The following CDK14 variants were observed in gnomAD, a reference collection of about 807,000 sequenced individuals.
CDK14 encodes the protein cyclin dependent kinase 14.
Under a neutral mutation model 60.7 loss-of-function variants are expected in CDK14, and 34 were observed. The observed-to-expected ratio is 0.56, with a 90% CI of 0.43 to 0.75. The LOEUF is 0.75. Ranked by LOEUF, CDK14 falls within the 30% of genes least tolerant of loss-of-function variation. The pLI is 0.00. For synonymous variants in CDK14, 197 were observed against 203.7 expected, an observed-to-expected ratio of 0.97 and a Z score of 0.28; for missense variants, 482 against 564.1, an observed-to-expected ratio of 0.85 and a Z score of 1.47.
chr7:91,181,686 A>G lies in CDK14; in HGVS notation c.*29-25479A>G, dbSNP rs146231621. 2.5e-4 allele frequency among the ~76,000 whole-genome samples: 38 copies of G among 152,288 alleles called. No individual in the cohort carries two copies. In the East Asian group the frequency reaches 6.4e-3, roughly 26 times the overall value. On this transcript the variant is annotated intron_variant, in intron 14 of 14. Transcript: ENST00000380050. The stretch of plus-strand genomic sequence containing the variant: ...TTTCAAAATAATGAATAGTTTCCTA[A>G]TATCCTCCAAAGGTGATGGATGTGT...
chr7:90,788,329 T>C (rs1408252027), intron 4 of CDK14, among the ~76,000 whole-genome samples: 2 of 152,156 alleles, frequency 1.3e-5, no homozygotes, highest in African/African-American at 2.4e-5. Context: ...CCTGCCAAAG[T>C]GCTTAGTCCT....
chr7:90,686,268 T>C (rs1479825921), intron 2 of CDK14, among the ~76,000 whole-genome samples: 1 of 152,222 alleles, frequency 6.6e-6, no homozygotes, highest in African/African-American at 2.4e-5. Flanking sequence ...TTCTGTGGTT[T>C]CCAAATATTG....
At chr7:91,044,633 G>A (rs1441960982) in intron 10 of CDK14, among the ~76,000 whole-genome samples, 1 of 152,130 alleles carries the variant, frequency 6.6e-6, no homozygotes, top group African/African-American at 2.4e-5. Context: ...CTGAGAGGAG[G>A]GGTCCGTTCA....
At chr7:90,677,145 A>G (rs931951214) in intron 2 of CDK14, among the ~76,000 whole-genome samples, 3 of 152,180 alleles carry the variant, frequency 2.0e-5, no homozygotes, top group Non-Finnish European at 4.4e-5. Flanking sequence ...ACTTCCCTGG[A>G]TCGACTTGTC....
intron 10 of CDK14, among the ~76,000 whole-genome samples, chr7:91,002,120 C>T (rs1370083823): frequency 6.6e-6 from 1 of 151,998 alleles, no homozygotes; most frequent in Non-Finnish European, 1.5e-5. Flanking sequence ...TCATAGCCTG[C>T]AAATAAAAAA....
chr7:90,903,493 A>G (rs1003033857), intron 7 of CDK14, among the ~76,000 whole-genome samples: 23 of 152,188 alleles, frequency 1.5e-4, no homozygotes, highest in Non-Finnish European at 2.4e-4. Flanking sequence ...ATTTATATTC[A>G]TATATGGGAG....
chr7:90,614,529 T>A (rs1451051322), intron 2 of CDK14, among the ~76,000 whole-genome samples: 6 of 152,152 alleles, frequency 3.9e-5, no homozygotes, highest in African/African-American at 4.8e-5. Flanking sequence ...GTTCTGGTTA[T>A]TTTTCCAACT....
chr7:90,631,703 G>A (rs1800000747), intron 2 of CDK14, among the ~76,000 whole-genome samples: 1 of 152,124 alleles, frequency 6.6e-6, no homozygotes, highest in South Asian at 2.1e-4. Context: ...ACTAAGAAAG[G>A]CCCTCGGGGA....
chr7:90,924,464 T>TG (rs1319303762), intron 8 of CDK14, among the ~76,000 whole-genome samples: 1 of 152,230 alleles, frequency 6.6e-6, no homozygotes, highest in East Asian at 1.9e-4. Flanking sequence ...CTAATATCCC[T>TG]GCTTTATAGA....
intron 14 of CDK14, among the ~76,000 whole-genome samples, chr7:91,126,085 A>C (rs575615105): frequency 3.9e-5 from 6 of 151,996 alleles, no homozygotes; most frequent in African/African-American, 1.5e-4. Flanking sequence ...CAACAAATCT[A>C]CTCCATATTA....
At chr7:90,815,521 G>A (rs920688905) in intron 5 of CDK14, among the ~76,000 whole-genome samples, 3 of 152,138 alleles carry the variant, frequency 2.0e-5, no homozygotes, top group Non-Finnish European at 4.4e-5. Context: ...ATTCCTCAAG[G>A]ACCTAGAACC....
At chr7:90,714,212 T>C (rs1802163469) in intron 2 of CDK14, among the ~76,000 whole-genome samples, 1 of 152,082 alleles carries the variant, frequency 6.6e-6, no homozygotes, top group Admixed American at 6.6e-5. Context: ...GTAAATGTTC[T>C]TTAGACTTAC....
intron 2 of CDK14, among the ~76,000 whole-genome samples, chr7:90,629,209 A>G (rs1471908426): frequency 6.6e-6 from 1 of 152,118 alleles, no homozygotes; most frequent in Non-Finnish European, 1.5e-5. Context: ...AACCCTACTT[A>G]TGTCTCCAAG....
chr7:90,719,760 A>G (rs913712252), intron 2 of CDK14, among the ~76,000 whole-genome samples: 5 of 152,140 alleles, frequency 3.3e-5, no homozygotes, highest in African/African-American at 1.2e-4. Context: ...TCTTCTTTTT[A>G]TATGTTTTCG....
At chr7:91,194,431 AT>A (rs897597114) in intron 14 of CDK14, among the ~76,000 whole-genome samples, 10 of 151,386 alleles carry the variant, frequency 6.6e-5, no homozygotes, top group African/African-American at 9.7e-5. Flanking sequence ...GATTGGGCTG[AT>A]TTTTTTTTCA....
At chr7:90,967,811 T>C (rs552181492) in intron 9 of CDK14, among the ~76,000 whole-genome samples, 2 of 152,188 alleles carry the variant, frequency 1.3e-5, no homozygotes, top group African/African-American at 2.4e-5. Context: ...GTTTAGGCAA[T>C]AGAAAATTTC....
At chr7:90,634,062 C>A (rs536817214) in intron 2 of CDK14, among the ~76,000 whole-genome samples, 3 of 152,026 alleles carry the variant, frequency 2.0e-5, no homozygotes, top group East Asian at 3.9e-4. Context: ...AAATGAAGAT[C>A]AAAAATTTAT....
rs1425666378 is a variant in CDK14, at chr7:91,208,993, A to C, written c.*1857A>C. On this transcript the variant is annotated 3_prime_UTR_variant, in exon 15 of 15. Transcript: ENST00000380050. ...AAGTCTTTAGAGGTATTTTGATTTA[A>C]AGTATACTTAAATTAGGATTTCTTA... 1.3e-5 allele frequency: 2 copies of C among 152,626 alleles called. No individual in the cohort carries two copies. The highest frequency in any genetic ancestry group is 2.9e-5 in the Non-Finnish European group (2 of 68,034). 9.5% of individuals were successfully genotyped at this position (152,626 alleles called of 1,614,324 possible).
intron 8 of CDK14, among the ~76,000 whole-genome samples, chr7:90,941,900 C>T (rs1793948580): frequency 1.3e-5 from 2 of 152,330 alleles, no homozygotes; most frequent in Middle Eastern, 3.4e-3. Flanking sequence ...CCTGGCTCCT[C>T]CCTGGTGTCT....
Sources: allele counts gnomAD v4.1 joint callset (sites outside exome capture counted in the v4.1 genomes callset), GRCh38; gene constraint gnomAD v4.1.1; transcripts MANE v1.5; gene names NCBI Gene and HGNC (gene_info 2026-07-23, HGNC 2026-07-21).